The following TSPAN18 variants were observed in gnomAD, a reference collection of about 807,000 sequenced individuals.
TSPAN18 encodes the protein tetraspanin-18.
TSPAN18 carries 14 observed loss-of-function variants against 27.3 expected under a neutral mutation model. The ratio of observed to expected loss-of-function variants is 0.51; its 90% CI spans 0.34 to 0.80. The LOEUF (loss-of-function observed/expected upper bound fraction) is 0.80. Among genes scored for constraint, TSPAN18 ranks in the 30% least tolerant of loss-of-function variants. The pLI is 0.01. For synonymous variants in TSPAN18, 143 were observed against 136.5 expected (o/e 1.05, Z -0.33); for missense variants, 268 against 323.9 (o/e 0.83, Z 1.32).
At chr11:44,742,397 G>A (rs532554027) in intron 1 of TSPAN18, among the ~76,000 whole-genome samples, 2 of 126,758 alleles carry the variant, frequency 1.6e-5, no homozygotes, top group African/African-American at 3.0e-5. Context: ...TCTTTTCTTC[G>A]TTCCTTCCCT....
intron 2 of TSPAN18, among the ~76,000 whole-genome samples, chr11:44,859,283 G>A (rs1023123209): frequency 1.3e-5 from 2 of 152,192 alleles, no homozygotes; most frequent in Non-Finnish European, 2.9e-5. Context: ...CCCAAGTCTG[G>A]TGTTCCAGGT....
intron 2 of TSPAN18, among the ~76,000 whole-genome samples, chr11:44,797,017 C>T (rs1856365947): frequency 1.3e-5 from 2 of 152,246 alleles, no homozygotes; most frequent in South Asian, 2.1e-4. Flanking sequence ...TCAGGTATTA[C>T]AGGACCTGAA....
chr11:44,899,130 C>A (rs929152484), intron 3 of TSPAN18, among the ~76,000 whole-genome samples: 46 of 152,310 alleles, frequency 3.0e-4, no homozygotes, highest in Admixed American at 2.1e-3. Flanking sequence ...TTTCCGGGTA[C>A]AAACAGGGAG....
At position 44,909,777 on chromosome 11, in the gene TSPAN18, G is replaced by T; in HGVS notation, c.136G>T (p.Ala46Ser). 6.2e-7 allele frequency: 1 copy of T among 1,613,864 alleles called. No individual in the cohort carries two copies. The highest frequency in any genetic ancestry group is 1.3e-5 in the African/African-American group (1 of 75,068). The change falls in exon 5 of 10, where the codon GCT (alanine) becomes TCT (serine). Residue 46 changes from alanine (A) to serine (S), a missense_variant. By Grantham distance (99) the Ala-to-Ser change is moderately conservative. Transcript: ENST00000520358. ...CCCCACCGGCTTCCGGGAGATCGTG[G>T]CTGCCAATCCTCTGCTCCTCACGGG... is the stretch of plus-strand genomic sequence containing the variant. ...VDPTGFREIVAANPLLLTGAY... is the reference protein window; with the variant it reads ...VDPTGFREIVSANPLLLTGAY...
At chr11:44,817,252 C>T (rs1308895454) in intron 2 of TSPAN18, among the ~76,000 whole-genome samples, 1 of 152,244 alleles carries the variant, frequency 6.6e-6, no homozygotes, top group Non-Finnish European at 1.5e-5. Flanking sequence ...ACCTCTTTCT[C>T]AGAGTAAAAT....
chr11:44,916,982 C>A (rs1455497999), intron 5 of TSPAN18, among the ~76,000 whole-genome samples: 1 of 152,238 alleles, frequency 6.6e-6, no homozygotes, highest in Non-Finnish European at 1.5e-5. Context: ...ATGACCAGGG[C>A]CGGTGATGTG....
chr11:44,783,345 G>A (rs80092074), intron 2 of TSPAN18, among the ~76,000 whole-genome samples: 18,892 of 151,492 alleles, frequency 0.12, 1,583 homozygotes, highest in Middle Eastern at 0.21. Flanking sequence ...GAAAGCTACA[G>A]ACTGGAAGAA....
Position 44,790,989 on chromosome 11 carries a change from G to T in TSPAN18, c.-153+26477G>T, listed in dbSNP as rs577449242. 5.5e-4 allele frequency among the ~76,000 whole-genome samples: 84 copies of T among 152,242 alleles called. 1 individual carries two copies. The highest frequency in any genetic ancestry group is 2.0e-3 in the African/African-American group (84 of 41,534). On this transcript the variant is annotated intron_variant, in intron 2 of 9. Transcript: ENST00000520358. Reference sequence around the variant, plus strand: ...TCTATCTGGGTCCCCTCTTCTCCTGGGGGCATCAGTGCAGAGTCTATCCTG... The same window carrying T: ...TCTATCTGGGTCCCCTCTTCTCCTGTGGGCATCAGTGCAGAGTCTATCCTG...
chr11:44,749,117 C>T (rs1184153620), intron 1 of TSPAN18, among the ~76,000 whole-genome samples: 1 of 152,210 alleles, frequency 6.6e-6, no homozygotes, highest in African/African-American at 2.4e-5. Flanking sequence ...CCACCACACC[C>T]TGCAGTCTTG....
At chr11:44,892,363 C>G (rs1489865003) in intron 3 of TSPAN18, among the ~76,000 whole-genome samples, 1 of 152,230 alleles carries the variant, frequency 6.6e-6, no homozygotes, top group African/African-American at 2.4e-5. Context: ...GACTTGGTTG[C>G]TTGGCCTGCT....
intron 3 of TSPAN18, among the ~76,000 whole-genome samples, chr11:44,868,552 G>C (rs1283615174): frequency 1.1e-4 from 17 of 152,194 alleles, no homozygotes; most frequent in Non-Finnish European, 2.5e-4. Flanking sequence ...CTTCCTCAGA[G>C]ACCCCAGCCT....
At chr11:44,750,106 T>C (rs561810443) in intron 1 of TSPAN18, among the ~76,000 whole-genome samples, 269 of 152,172 alleles carry the variant, frequency 1.8e-3, no homozygotes, top group Non-Finnish European at 3.1e-3. Flanking sequence ...GATGATGAAA[T>C]TGAGACCCAG....
chr11:44,844,143 G>T (rs1590566146), intron 2 of TSPAN18, among the ~76,000 whole-genome samples: 1 of 152,344 alleles, frequency 6.6e-6, no homozygotes, highest in East Asian at 1.9e-4. Context: ...ACTAATAAAT[G>T]TCCATAAAAT....
At chr11:44,856,459 C>CA (rs1857741715) in intron 2 of TSPAN18, among the ~76,000 whole-genome samples, 1 of 152,166 alleles carries the variant, frequency 6.6e-6, no homozygotes. Flanking sequence ...TCCTCATCTT[C>CA]ATACATTCCA....
At chr11:44,809,623 G>A (rs1196817120) in intron 2 of TSPAN18, among the ~76,000 whole-genome samples, 1 of 148,138 alleles carries the variant, frequency 6.8e-6, no homozygotes, top group Non-Finnish European at 1.5e-5. Context: ...GGGGGTGGGT[G>A]CTTGGAGTGT....
At chr11:44,877,577 C>A (rs11605582) in intron 3 of TSPAN18, among the ~76,000 whole-genome samples, 1,625 of 152,118 alleles carry the variant, frequency 0.011, 27 homozygotes, top group Non-Finnish European at 0.011. Context: ...ATCATCTCCC[C>A]GGGTGTCCAA....
chr11:44,874,150 C>T (rs1399407143), intron 3 of TSPAN18, among the ~76,000 whole-genome samples: 4 of 152,230 alleles, frequency 2.6e-5, no homozygotes, highest in African/African-American at 7.2e-5. Flanking sequence ...AACTCCTTCA[C>T]ACCACTGAGC....
chr11:44,744,384 T>C (rs1354933717), intron 1 of TSPAN18, among the ~76,000 whole-genome samples: 1 of 152,232 alleles, frequency 6.6e-6, no homozygotes, highest in Non-Finnish European at 1.5e-5. Context: ...ACAGATGTGA[T>C]TGGTTTCAGA....
intron 2 of TSPAN18, among the ~76,000 whole-genome samples, chr11:44,779,179 G>C (rs999346773): frequency 6.6e-6 from 1 of 152,076 alleles, no homozygotes; most frequent in African/African-American, 2.4e-5. Context: ...CCTTCTAGGT[G>C]CGCATGTTCC....
Sources: gnomAD v4.1 joint callset for allele counts (sites outside exome capture counted in the v4.1 genomes callset) on GRCh38, gnomAD v4.1.1 for gene constraint, MANE v1.5 for transcripts, NCBI Gene and HGNC (gene_info 2026-07-23, HGNC 2026-07-21) for gene names.